PHIP: variants seen among roughly 807,000 people sequenced by gnomAD.
PHIP encodes the protein PHIP subunit of CUL4-Ring ligase complex.
In PHIP, 54 loss-of-function variants were observed where a neutral mutation model predicts 236.8. The ratio of observed to expected loss-of-function variants is 0.23; its 90% CI spans 0.18 to 0.29. The LOEUF (loss-of-function observed/expected upper bound fraction) is 0.29. Among genes scored for constraint, PHIP ranks in the 10% least tolerant of loss-of-function variants. The probability of loss-of-function intolerance (pLI) is 1.00; values close to 1 mark genes in which losing one functional copy is unlikely to be tolerated. For missense variants in PHIP, 1,370 were observed against 2,190.8 expected (o/e 0.63, Z 7.48); for synonymous variants, 756 against 718.9 (o/e 1.05, Z -0.83).
chr6:79,000,979 T>TTAAGAA lies in PHIP; in HGVS notation c.1879+914_1879+919dup, dbSNP rs1769955010. Among the ~76,000 whole-genome samples, 5 of 152,190 alleles carry TTAAGAA rather than the reference T, an allele frequency of 3.3e-5. No individual in the cohort carries two copies. In the South Asian group the frequency reaches 1.0e-3, roughly 32 times the overall value. ...TTATTGCAACTTCATGCTAAATCCT[T>TTAAGAA]TAAGAAAAATAAGATGCACGTTTGA... On this transcript the variant is annotated intron_variant, in intron 17 of 39. Coordinates refer to ENST00000275034, the MANE Select transcript of PHIP (RefSeq NM_017934.7).
At chr6:79,014,612 A>C (rs1770749171) in intron 15 of PHIP, among the ~76,000 whole-genome samples, 1 of 151,818 alleles carries the variant, frequency 6.6e-6, no homozygotes. Context: ...AGAAGAGTAT[A>C]AACTCAAATA....
At chr6:79,076,400 G>T (rs996233024) in intron 4 of PHIP, among the ~76,000 whole-genome samples, 5 of 152,126 alleles carry the variant, frequency 3.3e-5, no homozygotes, top group Admixed American at 1.3e-4. Context: ...CAAAGGCTTG[G>T]TGGGTCCGGT....
At chr6:78,952,100 G>C (rs890066468) in intron 35 of PHIP, among the ~76,000 whole-genome samples, 2 of 152,022 alleles carry the variant, frequency 1.3e-5, no homozygotes, top group South Asian at 2.1e-4. Context: ...AGGAATCATA[G>C]CTTCTCAAAT....
intron 6 of PHIP, among the ~76,000 whole-genome samples, chr6:79,058,598 CAA>C (rs765280708): frequency 1.5e-4 from 23 of 152,036 alleles, no homozygotes; most frequent in Non-Finnish European, 2.9e-4. Flanking sequence ...TGAACTTGGT[CAA>C]GTTACCAAAA....
At chr6:78,988,420 T>A (rs1296041155) in intron 20 of PHIP, 71 bp from the exon 21 acceptor site, 1 of 1,194,918 alleles carries the variant, frequency 8.4e-7, no homozygotes, top group African/African-American at 1.6e-5. Flanking sequence ...AAAGTTAAAA[T>A]TTTTTAATTA....
intron 37 of PHIP, 138 bp from the exon 38 acceptor site, chr6:78,946,398 A>T: frequency 7.2e-7 from 1 of 1,391,844 alleles, no homozygotes; most frequent in Non-Finnish European, 9.4e-7. Flanking sequence ...ATTTCATATG[A>T]TTGTGAGCCT....
intron 39 of PHIP, among the ~76,000 whole-genome samples, chr6:78,943,624 A>C (rs190647667): frequency 2.0e-4 from 30 of 152,364 alleles, no homozygotes; most frequent in Middle Eastern, 3.4e-3. Context: ...AGACATGTGA[A>C]AATGAATAAT....
At chr6:79,061,194 C>T (rs941611897) in intron 4 of PHIP, among the ~76,000 whole-genome samples, 2 of 152,092 alleles carry the variant, frequency 1.3e-5, no homozygotes, top group Admixed American at 1.3e-4. Flanking sequence ...ACATGAAATG[C>T]TAATATTTTT....
At chr6:78,992,378 T>C (rs1769323065) in intron 19 of PHIP, among the ~76,000 whole-genome samples, 1 of 152,214 alleles carries the variant, frequency 6.6e-6, no homozygotes, top group Non-Finnish European at 1.5e-5. Flanking sequence ...TACAATCCAC[T>C]GATCTTACTG....
At chr6:78,952,176 T>A (rs144513325) in intron 35 of PHIP, among the ~76,000 whole-genome samples, 1 of 152,062 alleles carries the variant, frequency 6.6e-6, no homozygotes, top group African/African-American at 2.4e-5. Flanking sequence ...TCCCAGCACT[T>A]TGGGGAGGCT....
chr6:79,050,300 T>C (rs1319879430), intron 6 of PHIP, among the ~76,000 whole-genome samples: 2 of 152,176 alleles, frequency 1.3e-5, no homozygotes, highest in Non-Finnish European at 2.9e-5. Context: ...CTATTCTAAA[T>C]ATTTTACATA....
intron 15 of PHIP, among the ~76,000 whole-genome samples, chr6:79,014,816 T>G (rs1770763680): frequency 6.6e-6 from 1 of 151,850 alleles, no homozygotes; most frequent in South Asian, 2.1e-4. Flanking sequence ...ATCTTCATAC[T>G]TGTGAATTTC....
At chr6:79,070,463 T>C (rs1773828343) in intron 4 of PHIP, among the ~76,000 whole-genome samples, 1 of 152,208 alleles carries the variant, frequency 6.6e-6, no homozygotes, top group Admixed American at 6.5e-5. Flanking sequence ...TTTCACTAAG[T>C]TGCCTAGAAT....
intron 31 of PHIP, among the ~76,000 whole-genome samples, chr6:78,959,143 A>G (rs1766603586): frequency 6.6e-6 from 1 of 152,140 alleles, no homozygotes; most frequent in Non-Finnish European, 1.5e-5. Context: ...TTTTCTGAAC[A>G]CTTAATTGAC....
At chr6:79,067,572 A>G (rs1773684469) in intron 4 of PHIP, 1 of 152,180 alleles carries the variant, frequency 6.6e-6, no homozygotes, top group African/African-American at 2.4e-5. Flanking sequence ...GCATGTTCTT[A>G]TTTTTTAAAA....
intron 25 of PHIP, 111 bp from the exon 26 acceptor site, chr6:78,970,284 G>T: frequency 1.2e-6 from 1 of 840,888 alleles, no homozygotes; most frequent in Non-Finnish European, 1.9e-6. Context: ...TCTGGATGGT[G>T]ATGACTGTGT....
Position 78,998,366 on chromosome 6 carries a change from T to C in PHIP, c.1905A>G (p.Gln635=), listed in dbSNP as rs769178435. The C allele has an allele frequency of 6.2e-7, 1 of 1,613,824 alleles. No homozygotes were observed. The highest frequency in any genetic ancestry group is 8.5e-7 in the Non-Finnish European group (1 of 1,179,810). ...CCAGTGGGCTGATCTCCTGGTTTGC[T>C]TGCTGACTTAAAACTTGATTCAGTC... ...SSGLNQVLSQ[Q]ANQEISPLDS... is the part of the protein sequence containing the mutation. The change falls in exon 18 of 40, where the codon CAA becomes CAG. Residue 635 remains glutamine, a synonymous_variant. Coordinates refer to ENST00000275034, the MANE Select transcript of PHIP (RefSeq NM_017934.7).
chr6:78,984,947 A>C (rs1469823889), intron 22 of PHIP, among the ~76,000 whole-genome samples: 1 of 152,214 alleles, frequency 6.6e-6, no homozygotes. Flanking sequence ...CAAATAAGGT[A>C]GGCATAACAA....
At position 79,001,941 on chromosome 6, in the gene PHIP, T is replaced by A; in HGVS notation, c.1837A>T (p.Arg613Trp). The change falls in exon 17 of 40, where the codon AGG becomes TGG. Residue 613 changes from arginine (R) to tryptophan (W), a missense_variant. Coordinates refer to ENST00000275034, the MANE Select transcript of PHIP (RefSeq NM_017934.7). ...QRLVPGRENC[R>W]EEQLIPQMGV... ...ATCTGAGGGATGAGTTGCTCCTCCC[T>A]GCAATTTTCACGGCCAGGAACTAAT... The A allele has an allele frequency of 6.2e-7, 1 of 1,613,018 alleles. No homozygotes were observed. Among genetic ancestry groups the A allele is most frequent in the Admixed American group, 1.7e-5 (1 of 59,882 alleles).
Sources: allele counts gnomAD v4.1 joint callset (sites outside exome capture counted in the v4.1 genomes callset), GRCh38; gene constraint gnomAD v4.1.1; transcripts MANE v1.5; gene names NCBI Gene and HGNC (gene_info 2026-07-23, HGNC 2026-07-21).